Variants in SGTA observed in about 807,000 individuals in gnomAD.
The protein encoded by SGTA is small glutamine-rich tetratricopeptide repeat-containing protein alpha.
A neutral mutation model predicts 44.3 loss-of-function variants in SGTA; 22 were observed. That is an observed-to-expected ratio of 0.50 (90% CI 0.36 to 0.71). The LOEUF (loss-of-function observed/expected upper bound fraction) is 0.71, where lower values mean the gene tolerates loss of function less well. Ranked by LOEUF, SGTA falls within the 30% of genes least tolerant of loss-of-function variation. The pLI is 0.00. For missense variants in SGTA, 341 were observed against 435.9 expected (o/e 0.78, Z 1.94); for synonymous variants, 174 against 177.6 (o/e 0.98, Z 0.16).
intron 6 of SGTA, 79 bp from the exon 7 acceptor site, chr19:2,762,723 G>A: frequency 6.4e-7 from 1 of 1,560,438 alleles, no homozygotes; most frequent in Non-Finnish European, 8.7e-7. Context: ...GTCCCCGGCG[G>A]TCCTGGCAAC....
chr19:2,763,751 T>A lies in SGTA; in HGVS notation c.399A>T (p.Ala133=). 3 of 1,613,248 alleles carry A rather than the reference T, an allele frequency of 1.9e-6. No homozygotes were observed. The highest frequency in any genetic ancestry group is 2.5e-6 in the Non-Finnish European group (3 of 1,179,704). Residue 133 remains alanine (A), a synonymous_variant, in exon 6 of 12, where the codon GCA becomes GCT. Coordinates refer to ENST00000221566, the MANE Select transcript of SGTA (RefSeq NM_003021.4). The surrounding 1 kb of genome is among the most constrained non-coding windows in gnomAD (Gnocchi z 5.8). Reference sequence around the variant, plus strand: ...CGTAGTTGCCGAGTTTGCTGTAGGCTGCGGCTCTGGGGAAGAAAAGGCAGG... The same window carrying A: ...CGTAGTTGCCGAGTTTGCTGTAGGCAGCGGCTCTGGGGAAGAAAAGGCAGG... The part of the protein sequence containing the change: ...ANAVYFCNRA[A]AYSKLGNYAG...
At chr19:2,769,793 GCCTGGTTCCCCCACCTGACACCCT>G (rs1398930869) in intron 1 of SGTA, among the ~76,000 whole-genome samples, 59 of 44,124 alleles carry the variant, frequency 1.3e-3, no homozygotes, top group African/African-American at 4.8e-3. Flanking sequence ...TCGGACACCC[GCCTGGTTCCCCCACCTGACACCCT>G]CCTGGTTCCC....
rs894325990 is a variant in SGTA, at chr19:2,754,899, G to A, written c.*1041C>T. On this transcript the variant is annotated 3_prime_UTR_variant, in exon 12 of 12. Transcript: ENST00000221566. This position sits in a 1 kb window ranked among gnomAD's most constrained non-coding sequence, Gnocchi z 4.4. ...GAGCCAGGGAGCCCCAGGATGCTCC[G>A]ACTGACAACCCTGCTGCTGGGACCA... The A allele has an allele frequency of 8.5e-5, 13 of 152,404 alleles. No homozygotes were observed. Among genetic ancestry groups the A allele is most frequent in the African/African-American group, 2.9e-4 (12 of 41,564 alleles). The allele number at this position is 152,404 out of a possible 1,614,324, so 9.4% of individuals were successfully genotyped here.
chr19:2,765,098 C>A lies in SGTA; in HGVS notation c.392+88G>T, dbSNP rs1915100978. Reference sequence around the variant, plus strand: ...GGATCCCTCATCTACAGCGCAGAGGCCTCTCCCATCTCAGGTCCCTGCTAA... The same window carrying A: ...GGATCCCTCATCTACAGCGCAGAGGACTCTCCCATCTCAGGTCCCTGCTAA... On this transcript the variant is annotated intron_variant, in intron 5 of 11. Coordinates refer to ENST00000221566, the MANE Select transcript of SGTA (RefSeq NM_003021.4). This position sits in a 1 kb window ranked among gnomAD's most constrained non-coding sequence, Gnocchi z 5.5. 1 of 877,320 alleles carries A rather than the reference C, an allele frequency of 1.1e-6. No homozygotes were observed. Among genetic ancestry groups the A allele is most frequent in the Non-Finnish European group, 1.9e-6 (1 of 524,130 alleles). 54.3% of individuals were successfully genotyped at this position (877,320 alleles called of 1,614,324 possible). A position where few individuals can be genotyped will look rare whatever the true frequency, so the allele number is the denominator to read the frequency against.
chr19:2,759,540 G>A (rs1487575697), intron 8 of SGTA: 6 of 529,130 alleles, frequency 1.1e-5, no homozygotes, highest in Non-Finnish European at 2.0e-5. Flanking sequence ...ATCTCGCAGC[G>A]CCACAGCGCT....
intron 1 of SGTA, among the ~76,000 whole-genome samples, chr19:2,773,695 A>T (rs113547997): frequency 2.5e-4 from 10 of 39,866 alleles, no homozygotes; most frequent in African/African-American, 8.1e-4. Flanking sequence ...CGGCAGGGAC[A>T]CCGAGGGCAG....
At chr19:2,764,203 A>G (rs1915077865) in intron 5 of SGTA, among the ~76,000 whole-genome samples, 1 of 152,190 alleles carries the variant, frequency 6.6e-6, no homozygotes, top group Non-Finnish European at 1.5e-5. Flanking sequence ...CAAAGTACAG[A>G]GAAGAGTGAG....
intron 1 of SGTA, among the ~76,000 whole-genome samples, chr19:2,779,448 G>A (rs1219106513): frequency 6.6e-6 from 1 of 152,194 alleles, no homozygotes; most frequent in Non-Finnish European, 1.5e-5. Context: ...TCAGAGGGGG[G>A]TCCAGCAAGC....
Position 2,755,513 on chromosome 19 carries a change from G to C in SGTA, c.*427C>G. 2.0e-6 allele frequency: 2 copies of C among 986,850 alleles called. No homozygotes were observed. Among genetic ancestry groups the C allele is most frequent in the Non-Finnish European group, 2.4e-6 (2 of 830,180 alleles). The allele number at this position is 986,850 out of a possible 1,614,324, so 61.1% of individuals were successfully genotyped here. A position where few individuals can be genotyped will look rare whatever the true frequency, so the allele number is the denominator to read the frequency against. On this transcript the variant is annotated 3_prime_UTR_variant, in exon 12 of 12. Coordinates refer to ENST00000221566, the MANE Select transcript of SGTA (RefSeq NM_003021.4). The surrounding 1 kb of genome is among the most constrained non-coding windows in gnomAD (Gnocchi z 5.2). ...ACTCGGAAAGAGGCTTCTCACAGAC[G>C]GGAGAGTTCCTGCAGACAGACCACG...
At chr19:2,774,735 G>A (rs1007261192) in intron 1 of SGTA, among the ~76,000 whole-genome samples, 4 of 152,084 alleles carry the variant, frequency 2.6e-5, no homozygotes, top group African/African-American at 9.7e-5. Flanking sequence ...TCCCACCCTG[G>A]CCTCCCAAAG....
At position 2,767,277 on chromosome 19, in the gene SGTA, G is replaced by A. The variant is rs373237326; in HGVS notation, c.208-57C>T. On this transcript the variant is annotated intron_variant, in intron 3 of 11. Coordinates refer to ENST00000221566, the MANE Select transcript of SGTA (RefSeq NM_003021.4). This position sits in a 1 kb window ranked among gnomAD's most constrained non-coding sequence, Gnocchi z 7.3. ...CTCTCCTCCCAACCTGGCACCCTCC[G>A]GCCTTAGCTTCCCTCGGGACGCCAG... 702 of 1,392,956 alleles carry A rather than the reference G, an allele frequency of 5.0e-4. 1 individual carries two copies. Among genetic ancestry groups the A allele is most frequent in the Middle Eastern group, 1.2e-3 (5 of 4,232 alleles). 86.3% of individuals were successfully genotyped at this position (1,392,956 alleles called of 1,614,324 possible). A position where few individuals can be genotyped will look rare whatever the true frequency, so the allele number is the denominator to read the frequency against.
At chr19:2,774,084 C>T (rs1375412276) in intron 1 of SGTA, among the ~76,000 whole-genome samples, 1 of 152,210 alleles carries the variant, frequency 6.6e-6, no homozygotes, top group East Asian at 1.9e-4. Flanking sequence ...TCATGGACTT[C>T]CGGCCTCCAG....
intron 8 of SGTA, among the ~76,000 whole-genome samples, chr19:2,759,972 A>G: frequency 6.6e-6 from 1 of 152,102 alleles, no homozygotes; most frequent in East Asian, 1.9e-4. Flanking sequence ...AAAAGAAGTA[A>G]AAATAAATAA....
At chr19:2,779,703 C>T (rs895781238) in intron 1 of SGTA, among the ~76,000 whole-genome samples, 7 of 152,200 alleles carry the variant, frequency 4.6e-5, no homozygotes, top group African/African-American at 1.7e-4. Context: ...GGGGCTTCAG[C>T]GTCCCTTTCG....
rs1449012845 is a variant in SGTA, at chr19:2,761,837, C to T, written c.637-315G>A. ...TATCATCCCGTGTTTATTCCCCGCACAGCGCGACCGCCCGGGGACGGCACA... is the reference window on the plus strand; with the variant it reads ...TATCATCCCGTGTTTATTCCCCGCATAGCGCGACCGCCCGGGGACGGCACA... On this transcript the variant is annotated intron_variant, in intron 7 of 11. Coordinates refer to ENST00000221566, the MANE Select transcript of SGTA (RefSeq NM_003021.4). This position sits in a 1 kb window ranked among gnomAD's most constrained non-coding sequence, Gnocchi z 5.7. Among the ~76,000 whole-genome samples, 1 of 147,128 alleles carries T rather than the reference C, an allele frequency of 6.8e-6. No individual in the cohort carries two copies. Among genetic ancestry groups the T allele is most frequent in the Non-Finnish European group, 1.5e-5 (1 of 67,112 alleles).
chr19:2,767,131 CT>C lies in SGTA; in HGVS notation c.292+4del. 1 of 1,607,424 alleles carries C rather than the reference CT, an allele frequency of 6.2e-7. No homozygotes were observed. The highest frequency in any genetic ancestry group is 1.1e-5 in the South Asian group (1 of 89,812). On this transcript the variant is annotated splice_donor_region_variant and intron_variant, in intron 4 of 11. Transcript: ENST00000221566. This position sits in a 1 kb window ranked among gnomAD's most constrained non-coding sequence, Gnocchi z 7.3. ...GTGTCTGTGGGGATGGAGGTCCTCC[CT>C]TACCTTCGGTTTTGAGGCGCTCTGC... is the stretch of plus-strand genomic sequence containing the variant.
chr19:2,776,375 A>G (rs948505684), intron 1 of SGTA, among the ~76,000 whole-genome samples: 3 of 152,260 alleles, frequency 2.0e-5, no homozygotes, highest in African/African-American at 7.2e-5. Context: ...AGCCATGAAA[A>G]GGAAATCCTG....
At chr19:2,780,767 T>C (rs1180745819) in intron 1 of SGTA, among the ~76,000 whole-genome samples, 1 of 152,170 alleles carries the variant, frequency 6.6e-6, no homozygotes, top group Non-Finnish European at 1.5e-5. Context: ...GCCATTTCTC[T>C]CTGGGTCTCT....
In SGTA at chr19:2,755,671, G is replaced by C; in HGVS notation, c.*269C>G. Reference sequence around the variant, plus strand: ...TTCTAGAAAACACTCAAGTGACCGAGCTTTCTGGGGGCTGGAAGGGAGGTC... The same window carrying C: ...TTCTAGAAAACACTCAAGTGACCGACCTTTCTGGGGGCTGGAAGGGAGGTC... On this transcript the variant is annotated 3_prime_UTR_variant, in exon 12 of 12. Coordinates refer to ENST00000221566, the MANE Select transcript of SGTA (RefSeq NM_003021.4). This position sits in a 1 kb window ranked among gnomAD's most constrained non-coding sequence, Gnocchi z 5.2. 1 of 985,562 alleles carries C rather than the reference G, an allele frequency of 1.0e-6. No homozygotes were observed. The highest frequency in any genetic ancestry group is 1.2e-6 in the Non-Finnish European group (1 of 830,006). 61.1% of individuals were successfully genotyped at this position (985,562 alleles called of 1,614,324 possible).
Sources: gnomAD v4.1 joint callset for allele counts (sites outside exome capture counted in the v4.1 genomes callset) on GRCh38, gnomAD v4.1.1 for gene constraint, Gnocchi (gnomAD v3.1) non-coding constraint, MANE v1.5 for transcripts, NCBI Gene and HGNC (gene_info 2026-07-23, HGNC 2026-07-21) for gene names.